Variants in TEX36 observed in about 807,000 individuals in gnomAD.
TEX36 encodes the protein testis expressed 36.
Under a neutral mutation model 13.6 loss-of-function variants are expected in TEX36, and 12 were observed. That is an observed-to-expected ratio of 0.88 (90% CI 0.56 to 1.43). The LOEUF is 1.43. Among genes scored for constraint, TEX36 ranks in the 40% most tolerant of loss-of-function variants. TEX36 has a pLI of 0.00. For missense variants in TEX36, 224 were observed against 228.3 expected (o/e 0.98, Z 0.12); for synonymous variants, 93 against 83.0 (o/e 1.12, Z -0.65).
At chr10:125,590,484 A>G (rs1052760894) in intron 3 of TEX36, among the ~76,000 whole-genome samples, 2 of 152,138 alleles carry the variant, frequency 1.3e-5, no homozygotes, top group Non-Finnish European at 2.9e-5. Flanking sequence ...TGGTGGCAAT[A>G]CTTTGTAAAG....
chr10:125,642,978 T>G (rs929850228), intron 3 of TEX36, among the ~76,000 whole-genome samples: 9 of 152,224 alleles, frequency 5.9e-5, no homozygotes, highest in African/African-American at 2.2e-4. Context: ...TCAGGTCGGC[T>G]ACAAATGTAT....
intron 3 of TEX36, among the ~76,000 whole-genome samples, chr10:125,586,618 C>T (rs1259232194): frequency 2.3e-5 from 3 of 129,128 alleles, no homozygotes; most frequent in East Asian, 4.4e-4. Context: ...TGTGAAACTC[C>T]GTCTCTACTA....
chr10:125,657,762 T>C (rs1846971341), intron 3 of TEX36, among the ~76,000 whole-genome samples: 1 of 152,124 alleles, frequency 6.6e-6, no homozygotes, highest in Admixed American at 6.6e-5. Flanking sequence ...CCTACAGGGC[T>C]TGGGGGAATA....
At position 125,661,102 on chromosome 10, in the gene TEX36, C is replaced by T. The variant is rs1417710771; in HGVS notation, c.184-1G>A. The stretch of plus-strand genomic sequence containing the variant: ...AGGGGAACTGGTTATTCACTGCTTG[C>T]TGGAAAAGTGGGATGGAAGGGAAAG... On this transcript the variant is annotated splice_acceptor_variant, in intron 2 of 3. Transcript: ENST00000368821. LOFTEE classifies it high-confidence loss of function. 1 of 1,551,690 alleles carries T rather than the reference C, an allele frequency of 6.4e-7. No individual in the cohort carries two copies. The highest frequency in any genetic ancestry group is 2.0e-5 in the Admixed American group (1 of 50,988).
chr10:125,624,872 T>C (rs1193294720), intron 3 of TEX36, among the ~76,000 whole-genome samples: 1 of 151,716 alleles, frequency 6.6e-6, no homozygotes, highest in Admixed American at 6.6e-5. Context: ...TCTTTTTGCA[T>C]AAAGAGATAA....
At chr10:125,648,321 A>T (rs7080956) in intron 3 of TEX36, among the ~76,000 whole-genome samples, 1 of 152,212 alleles carries the variant, frequency 6.6e-6, no homozygotes, top group Admixed American at 6.5e-5. Flanking sequence ...AGGAAGGATC[A>T]GGCAACAACA....
intron 1 of TEX36, among the ~76,000 whole-genome samples, chr10:125,678,825 C>T: frequency 6.6e-6 from 1 of 151,954 alleles, no homozygotes; most frequent in East Asian, 1.9e-4. Flanking sequence ...ACGTGAGGCT[C>T]TGTGTTCTGT....
At chr10:125,595,286 A>ACC (rs143990405) in intron 3 of TEX36, among the ~76,000 whole-genome samples, 18 of 151,408 alleles carry the variant, frequency 1.2e-4, no homozygotes, top group African/African-American at 3.6e-4. Flanking sequence ...CATAAAAATC[A>ACC]CCCCCCCACC....
intron 3 of TEX36, among the ~76,000 whole-genome samples, chr10:125,623,172 G>C (rs1384409563): frequency 6.6e-6 from 1 of 152,206 alleles, no homozygotes; most frequent in African/African-American, 2.4e-5. Context: ...TCATCACCTA[G>C]TTGGTGTTGT....
At chr10:125,576,814 G>T in exon 4 of TEX36, 3 of 1,536,016 alleles carry the variant, frequency 2.0e-6, no homozygotes, top group Non-Finnish European at 2.6e-6. Context: ...GTCCTCACCG[G>T]CTCATAGAAC....
intron 3 of TEX36, among the ~76,000 whole-genome samples, chr10:125,624,619 G>C (rs1051375447): frequency 6.6e-6 from 1 of 151,826 alleles, no homozygotes; most frequent in Non-Finnish European, 1.5e-5. Flanking sequence ...ATCTTCATTG[G>C]AGGTGGGGAA....
At chr10:125,585,069 G>A (rs765810840) in intron 3 of TEX36, among the ~76,000 whole-genome samples, 23 of 152,120 alleles carry the variant, frequency 1.5e-4, no homozygotes, top group Non-Finnish European at 2.8e-4. Context: ...TGCAAGCTCC[G>A]GGAAGAGACC....
downstream of TEX36, among the ~76,000 whole-genome samples, chr10:125,619,934 G>A (rs1846409105): frequency 1.3e-5 from 2 of 151,998 alleles, no homozygotes; most frequent in South Asian, 4.2e-4. Context: ...CTAGGTGCAT[G>A]TATCATTGTA....
At chr10:125,609,031 A>G (rs960882277) in intron 3 of TEX36, among the ~76,000 whole-genome samples, 1 of 149,136 alleles carries the variant, frequency 6.7e-6, no homozygotes, top group African/African-American at 2.5e-5. Context: ...AATGAGCTGG[A>G]TGTGGTGGCG....
intron 3 of TEX36, among the ~76,000 whole-genome samples, chr10:125,622,642 G>T: frequency 6.6e-6 from 1 of 152,222 alleles, no homozygotes; most frequent in South Asian, 2.1e-4. Flanking sequence ...GAGATGGGAT[G>T]GATTCAGTGT....
chr10:125,651,297 C>T (rs996465382), downstream of TEX36, among the ~76,000 whole-genome samples: 4 of 152,168 alleles, frequency 2.6e-5, no homozygotes, highest in African/African-American at 9.7e-5. Context: ...GCTTATCCAC[C>T]ATGATCAAGT....
rs1240321400 is a variant in TEX36, at chr10:125,594,147, C to T, written c.265-17273G>A. On this transcript the variant is annotated intron_variant, in intron 3 of 3. Coordinates refer to the TEX36 transcript ENST00000532135. ...GGATTATATTTTGGGGAAGAGGGAC[C>T]CCACCTTACTTTAGCCCAGAAGAAC... 2.0e-5 allele frequency among the ~76,000 whole-genome samples: 3 copies of T among 152,104 alleles called. No individual in the cohort carries two copies. The East Asian group carries it at 5.8e-4, about 29-fold the overall frequency.
chr10:125,661,723 G>A, intron 2 of TEX36, 123 bp downstream of exon 2: 1 of 1,291,310 alleles, frequency 7.7e-7, no homozygotes, highest in South Asian at 1.5e-5. Context: ...AACCCTTAGG[G>A]GTCCAAGGAT....
At chr10:125,597,196 G>T (rs1846090468) in intron 3 of TEX36, among the ~76,000 whole-genome samples, 1 of 152,138 alleles carries the variant, frequency 6.6e-6, no homozygotes, top group East Asian at 1.9e-4. Flanking sequence ...CACTGCAGGT[G>T]CATGTTTGCA....
Sources: allele counts gnomAD v4.1 joint callset (sites outside exome capture counted in the v4.1 genomes callset), GRCh38; gene constraint gnomAD v4.1.1; transcripts MANE v1.5; gene names NCBI Gene and HGNC (gene_info 2026-07-23, HGNC 2026-07-21).